USP32: variants seen among roughly 807,000 people sequenced by gnomAD.
USP32 encodes the protein ubiquitin carboxyl-terminal hydrolase 32.
In USP32, 59 loss-of-function variants were observed where a neutral mutation model predicts 204.8. The ratio of observed to expected loss-of-function variants is 0.29; its 90% CI spans 0.23 to 0.36. The LOEUF (loss-of-function observed/expected upper bound fraction) is 0.36. Ranked by LOEUF, USP32 falls within the 10% of genes least tolerant of loss-of-function variation. The pLI, the probability that USP32 is intolerant of heterozygous loss-of-function variation, is 1.00. For synonymous variants in USP32, 517 were observed against 678.4 expected (o/e 0.76, Z 3.70); for missense variants, 1,160 against 1,946.4 (o/e 0.60, Z 7.60).
chr17:60,336,542 C>T (rs1447034381), intron 2 of USP32, among the ~76,000 whole-genome samples: 1 of 140,152 alleles, frequency 7.1e-6, no homozygotes, highest in African/African-American at 3.1e-5. Flanking sequence ...GGTGAAACCC[C>T]GTCTCTACTA....
At chr17:60,198,169 T>A (rs1385017358) in intron 27 of USP32, 91 bp downstream of exon 27, 6 of 1,495,016 alleles carry the variant, frequency 4.0e-6, no homozygotes, top group Non-Finnish European at 5.4e-6. Flanking sequence ...TAACTTGACA[T>A]AGGCTGGGTC....
At chr17:60,296,711 A>C (rs756746789) in intron 3 of USP32, among the ~76,000 whole-genome samples, 1 of 152,202 alleles carries the variant, frequency 6.6e-6, no homozygotes. Context: ...AATTGTTACC[A>C]GTTGTACCTC....
At chr17:60,184,300 G>A (rs1157265739) in intron 30 of USP32, among the ~76,000 whole-genome samples, 3 of 144,546 alleles carry the variant, frequency 2.1e-5, no homozygotes, top group Non-Finnish European at 4.5e-5. Context: ...GGGCGACAGA[G>A]TGAGACTCCG....
Position 60,209,338 on chromosome 17 carries a change from T to C in USP32, c.2598+32A>G, listed in dbSNP as rs199642457. Reference sequence around the variant, plus strand: ...ATTTGTGGCCAGAACATTTTGTCTATTGCTTACATTAGAAACTCAAAACTG... The same window carrying C: ...ATTTGTGGCCAGAACATTTTGTCTACTGCTTACATTAGAAACTCAAAACTG... On this transcript the variant is annotated intron_variant, in intron 22 of 33. Coordinates refer to ENST00000300896, the MANE Select transcript of USP32 (RefSeq NM_032582.4). 2,253 of 1,273,298 alleles carry C rather than the reference T, an allele frequency of 1.8e-3. 10 individuals carry two copies. Among genetic ancestry groups the C allele is most frequent in the Middle Eastern group, 0.016 (79 of 5,042 alleles). 78.9% of individuals were successfully genotyped at this position (1,273,298 alleles called of 1,614,324 possible).
At chr17:60,247,138 G>A (rs1322659619) in intron 11 of USP32, among the ~76,000 whole-genome samples, 2 of 151,894 alleles carry the variant, frequency 1.3e-5, no homozygotes, top group Admixed American at 6.6e-5. Context: ...CCCCAATTTC[G>A]TCTAGTAGTT....
intron 26 of USP32, among the ~76,000 whole-genome samples, chr17:60,200,359 C>T (rs1294210151): frequency 2.0e-5 from 3 of 151,864 alleles, no homozygotes; most frequent in Non-Finnish European, 4.4e-5. Flanking sequence ...GTCGGGAGTT[C>T]GAGACAGCCT....
In USP32 at chr17:60,409,070, G is replaced by A. The variant is rs534672305; in HGVS notation, c.106+13176C>T. Among the ~76,000 whole-genome samples, 30 of 152,244 alleles carry A rather than the reference G, an allele frequency of 2.0e-4. No homozygotes were observed. In the East Asian group the frequency reaches 5.6e-3, roughly 28 times the overall value. On this transcript the variant is annotated intron_variant, in intron 1 of 3. Coordinates refer to the USP32 transcript ENST00000588898. Reference sequence around the variant, plus strand: ...ACTCACAGTAAAACTTTTCTCAGCCGGGCACAGTGGCTCATGCCTGTAATC... The same window carrying A: ...ACTCACAGTAAAACTTTTCTCAGCCAGGCACAGTGGCTCATGCCTGTAATC...
intron 1 of USP32, among the ~76,000 whole-genome samples, chr17:60,390,677 C>T (rs2089818088): frequency 1.3e-5 from 2 of 152,164 alleles, no homozygotes; most frequent in African/African-American, 4.8e-5. Flanking sequence ...TTCCTATATA[C>T]GAACAAGAGT....
chr17:60,193,675 A>C (rs1454047041), intron 27 of USP32, among the ~76,000 whole-genome samples: 1 of 152,196 alleles, frequency 6.6e-6, no homozygotes, highest in Non-Finnish European at 1.5e-5. Context: ...GGAATATAAC[A>C]TAAGAGTGGC....
At chr17:60,250,232 T>C (rs2086132786) in intron 11 of USP32, among the ~76,000 whole-genome samples, 1 of 152,176 alleles carries the variant, frequency 6.6e-6, no homozygotes, top group South Asian at 2.1e-4. Flanking sequence ...ACTAATTTCA[T>C]GCAGTTATTC....
At chr17:60,232,061 A>G (rs1348470980) in intron 12 of USP32, among the ~76,000 whole-genome samples, 1 of 152,132 alleles carries the variant, frequency 6.6e-6, no homozygotes, top group East Asian at 1.9e-4. Flanking sequence ...TCGTAAGTAA[A>G]TATGTCATTT....
At chr17:60,227,752 C>A (rs1318394326) in intron 12 of USP32, among the ~76,000 whole-genome samples, 1 of 152,008 alleles carries the variant, frequency 6.6e-6, no homozygotes, top group African/African-American at 2.4e-5. Flanking sequence ...ATAAAGTTTC[C>A]TTTGAAAATA....
At chr17:60,244,852 G>A (rs1050000553) in intron 11 of USP32, among the ~76,000 whole-genome samples, 2 of 152,272 alleles carry the variant, frequency 1.3e-5, no homozygotes, top group South Asian at 2.1e-4. Context: ...GGCTGGTATC[G>A]AACTCCTGGC....
intron 12 of USP32, chr17:60,231,450 C>CA (rs2085546080): frequency 2.3e-6 from 1 of 436,398 alleles, no homozygotes; most frequent in Admixed American, 2.4e-5. Context: ...CTAAGGACCT[C>CA]AGAGGCTTCA....
rs150921213 is a variant in USP32 at position 60,187,456 on chromosome 17, T to C, written c.3643-1805A>G. Among the ~76,000 whole-genome samples, 1,450 of 152,312 alleles carry C rather than the reference T, an allele frequency of 9.5e-3. 31 individuals are homozygous for C. The highest frequency in any genetic ancestry group is 0.034 in the African/African-American group (1,394 of 41,578). ...ACTGGTCACTCAAGGAAAAAACTGA[T>C]GTGCTTCAAAAGGAAACGTGCTGCA... On this transcript the variant is annotated intron_variant, in intron 29 of 33. Transcript: ENST00000300896.
At position 60,178,078 on chromosome 17, in the gene USP32, A is replaced by T. The variant is rs192661891; in HGVS notation, c.*1177T>A. Among the ~76,000 whole-genome samples the T allele has an allele frequency of 2.0e-3, 305 of 149,830 alleles. 2 individuals are homozygous for T. The highest frequency in any genetic ancestry group is 7.5e-3 in the African/African-American group (295 of 39,422). Reference sequence around the variant, plus strand: ...ACTTTCGATGACTACTGTAAAATTTAAAAAAAAGACAAATATCAAAATAAA... The same window carrying T: ...ACTTTCGATGACTACTGTAAAATTTTAAAAAAAGACAAATATCAAAATAAA... On this transcript the variant is annotated 3_prime_UTR_variant, in exon 34 of 34. Coordinates refer to ENST00000300896, the MANE Select transcript of USP32 (RefSeq NM_032582.4).
intron 11 of USP32, among the ~76,000 whole-genome samples, chr17:60,241,559 G>C (rs943355097): frequency 1.3e-5 from 2 of 152,148 alleles, no homozygotes; most frequent in African/African-American, 4.8e-5. Context: ...TCTGTGGAGA[G>C]ACAGGCTCTT....
At chr17:60,344,816 C>A (rs2088745967) in intron 2 of USP32, among the ~76,000 whole-genome samples, 1 of 152,138 alleles carries the variant, frequency 6.6e-6, no homozygotes. Flanking sequence ...TACATAACTA[C>A]AAAATAGTAA....
intron 22 of USP32, 30 bp downstream of exon 22, chr17:60,209,340 G>C: frequency 5.4e-6 from 7 of 1,305,464 alleles, no homozygotes; most frequent in Non-Finnish European, 7.1e-6. Context: ...TTTGTCTATT[G>C]CTTACATTAG....
Sources: gnomAD v4.1 joint callset for allele counts (sites outside exome capture counted in the v4.1 genomes callset) on GRCh38, gnomAD v4.1.1 for gene constraint, MANE v1.5 for transcripts, NCBI Gene and HGNC (gene_info 2026-07-23, HGNC 2026-07-21) for gene names.